Variants in CARMIL1 observed in about 807,000 individuals in gnomAD.
The protein encoded by CARMIL1 is F-actin-uncapping protein LRRC16A.
A neutral mutation model predicts 177.1 loss-of-function variants in CARMIL1; 90 were observed. The ratio of observed to expected loss-of-function variants is 0.51; its 90% CI spans 0.43 to 0.61. The LOEUF (loss-of-function observed/expected upper bound fraction) is 0.61. Among genes scored for constraint, CARMIL1 ranks in the 20% least tolerant of loss-of-function variants. CARMIL1 has a pLI of 0.00. For synonymous variants in CARMIL1, 577 were observed against 606.2 expected (o/e 0.95, Z 0.71); for missense variants, 1,380 against 1,667.0 (o/e 0.83, Z 3.00).
At chr6:25,573,766 G>A (rs1187124357) in intron 29 of CARMIL1, among the ~76,000 whole-genome samples, 1 of 151,838 alleles carries the variant, frequency 6.6e-6, no homozygotes, top group Non-Finnish European at 1.5e-5. Context: ...TGAAATGACC[G>A]GCAAAACATT....
chr6:25,321,579 G>A (rs116766744), intron 2 of CARMIL1, among the ~76,000 whole-genome samples: 59 of 152,164 alleles, frequency 3.9e-4, no homozygotes, highest in Non-Finnish European at 7.5e-4. Context: ...AAATGATAAC[G>A]CAGGAAATTT....
chr6:25,353,553 C>A (rs969240245), intron 2 of CARMIL1, among the ~76,000 whole-genome samples: 2 of 152,114 alleles, frequency 1.3e-5, no homozygotes, highest in Non-Finnish European at 2.9e-5. Flanking sequence ...TGCTCTTATC[C>A]CCATTGCTCT....
At chr6:25,358,852 C>G (rs1312097033) in intron 2 of CARMIL1, among the ~76,000 whole-genome samples, 1 of 152,152 alleles carries the variant, frequency 6.6e-6, no homozygotes, top group Admixed American at 6.5e-5. Context: ...AACATAACAA[C>G]TTGAGAAGGA....
intron 5 of CARMIL1, among the ~76,000 whole-genome samples, chr6:25,449,133 C>T (rs1003882565): frequency 2.0e-5 from 3 of 152,114 alleles, no homozygotes; most frequent in Admixed American, 6.5e-5. Flanking sequence ...CTCAAGTAAT[C>T]GCCTGCCTTG....
intron 2 of CARMIL1, among the ~76,000 whole-genome samples, chr6:25,389,888 C>A (rs1792573894): frequency 6.6e-6 from 1 of 152,098 alleles, no homozygotes; most frequent in African/African-American, 2.4e-5. Context: ...TGAGACTAGC[C>A]ACTGGTGTTG....
intron 25 of CARMIL1, 64 bp from the exon 26 acceptor site, chr6:25,539,883 T>C (rs769690509): frequency 6.3e-6 from 8 of 1,275,016 alleles, no homozygotes; most frequent in Non-Finnish European, 8.5e-6. Flanking sequence ...TCATTCACTC[T>C]GCAATGACTT....
At chr6:25,294,022 C>G (rs1782197600) in intron 2 of CARMIL1, among the ~76,000 whole-genome samples, 1 of 152,198 alleles carries the variant, frequency 6.6e-6, no homozygotes, top group Non-Finnish European at 1.5e-5. Context: ...GTGCCCAACC[C>G]AAGGTTTTTC....
intron 4 of CARMIL1, among the ~76,000 whole-genome samples, chr6:25,432,419 T>C (rs529977445): frequency 6.6e-6 from 1 of 152,284 alleles, no homozygotes; most frequent in Admixed American, 6.5e-5. Context: ...TAAGAGTGAG[T>C]GATTGCTCTA....
At position 25,399,702 on chromosome 6, in the gene CARMIL1, G is replaced by A. The variant is rs542997868; in HGVS notation, c.139-20412G>A. The stretch of plus-strand genomic sequence containing the variant: ...GGCCTTCATGTAATCCCTAGAGAAC[G>A]TGTAAATCAAATTATGCCTGGAGGA... On this transcript the variant is annotated intron_variant, in intron 2 of 36. Coordinates refer to ENST00000329474, the MANE Select transcript of CARMIL1 (RefSeq NM_017640.6). Among the ~76,000 whole-genome samples, 71 of 152,262 alleles carry A rather than the reference G, an allele frequency of 4.7e-4. No individual in the cohort carries two copies. The Middle Eastern group carries it at 0.017, about 36-fold the overall frequency.
At chr6:25,598,273 C>A (rs1177807074) in intron 32 of CARMIL1, among the ~76,000 whole-genome samples, 1 of 152,026 alleles carries the variant, frequency 6.6e-6, no homozygotes, top group Non-Finnish European at 1.5e-5. Flanking sequence ...GCATCTCACT[C>A]TGTCACCCAG....
intron 2 of CARMIL1, among the ~76,000 whole-genome samples, chr6:25,403,081 GTTT>G (rs71969807): frequency 4.4e-4 from 63 of 142,962 alleles, no homozygotes; most frequent in East Asian, 1.0e-3. Flanking sequence ...TCCATAAAGA[GTTT>G]TTTTTTTTTT....
rs148954574 is a variant in CARMIL1 at position 25,313,795 on chromosome 6, T to C, written c.138+28886T>C. Among the ~76,000 whole-genome samples, 404 of 151,590 alleles carry C rather than the reference T, an allele frequency of 2.7e-3. 6 individuals are homozygous for C. The highest frequency in any genetic ancestry group is 0.023 in the Admixed American group (351 of 15,244). On this transcript the variant is annotated intron_variant, in intron 2 of 36. Transcript: ENST00000329474. Reference sequence around the variant, plus strand: ...GCTCACTTATCTGGAGGTTGGCCTATAACATTCCCTCTCTGATGTCTTGCC... The same window carrying C: ...GCTCACTTATCTGGAGGTTGGCCTACAACATTCCCTCTCTGATGTCTTGCC...
Position 25,315,810 on chromosome 6 carries a change from C to T in CARMIL1, c.138+30901C>T, listed in dbSNP as rs575266063. The stretch of plus-strand genomic sequence containing the variant: ...TACAGCAGAATTAAAGAGTAATAGG[C>T]ACCCTCTAGTCCCTTGCTACTCAAA... On this transcript the variant is annotated intron_variant, in intron 2 of 36. Transcript: ENST00000329474. 2.1e-3 allele frequency among the ~76,000 whole-genome samples: 322 copies of T among 152,276 alleles called. 4 individuals carry two copies. Among genetic ancestry groups the T allele is most frequent in the Middle Eastern group, 6.8e-3 (2 of 294 alleles).
At chr6:25,388,670 T>C (rs567882309) in intron 2 of CARMIL1, among the ~76,000 whole-genome samples, 4 of 152,080 alleles carry the variant, frequency 2.6e-5, no homozygotes, top group African/African-American at 9.7e-5. Context: ...GGCCTTTTTT[T>C]ATTTTATTTT....
At chr6:25,346,475 T>C (rs1489830302) in intron 2 of CARMIL1, among the ~76,000 whole-genome samples, 1 of 152,238 alleles carries the variant, frequency 6.6e-6, no homozygotes, top group Non-Finnish European at 1.5e-5. Context: ...TGGCCACCAA[T>C]CTTAACTTTC....
At chr6:25,389,487 A>G (rs1792529286) in intron 2 of CARMIL1, among the ~76,000 whole-genome samples, 1 of 152,118 alleles carries the variant, frequency 6.6e-6, no homozygotes, top group Admixed American at 6.6e-5. Flanking sequence ...TTGTTTTGCA[A>G]AAGTGTTAGC....
intron 21 of CARMIL1, among the ~76,000 whole-genome samples, chr6:25,517,052 T>C (rs1302069782): frequency 6.6e-6 from 1 of 152,210 alleles, no homozygotes; most frequent in Non-Finnish European, 1.5e-5. Flanking sequence ...AATATCAGAA[T>C]TTAGAGTTTT....
At chr6:25,505,843 C>T (rs978742400) in intron 17 of CARMIL1, among the ~76,000 whole-genome samples, 6 of 126,466 alleles carry the variant, frequency 4.7e-5, no homozygotes, top group Non-Finnish European at 8.6e-5. Context: ...ATTCTTCAAA[C>T]TTAGTCTCCT....
At chr6:25,284,949 G>T in intron 2 of CARMIL1, 40 bp downstream of exon 2, 1 of 1,245,708 alleles carries the variant, frequency 8.0e-7, no homozygotes, top group South Asian at 1.3e-5. Flanking sequence ...GTTTGGAAAT[G>T]AAAGTGTGTT....
Sources: allele counts gnomAD v4.1 joint callset (sites outside exome capture counted in the v4.1 genomes callset), GRCh38; gene constraint gnomAD v4.1.1; transcripts MANE v1.5; gene names NCBI Gene and HGNC (gene_info 2026-07-23, HGNC 2026-07-21).